Variants in IGF2R observed in about 807,000 individuals in gnomAD.
IGF2R encodes insulin like growth factor 2 receptor.
In IGF2R, 91 loss-of-function variants were observed where a neutral mutation model predicts 270.6. That is an observed-to-expected ratio of 0.34 (90% CI 0.28 to 0.40). IGF2R has a LOEUF of 0.40. Among genes scored for constraint, IGF2R ranks in the 10% least tolerant of loss-of-function variants. IGF2R has a pLI of 1.00. For synonymous variants in IGF2R, 1,316 were observed against 1,258.9 expected, an observed-to-expected ratio of 1.05 and a Z score of -0.96; for missense variants, 2,805 against 3,188.3, an observed-to-expected ratio of 0.88 and a Z score of 2.90.
Position 159,991,211 on chromosome 6 carries a change from A to C in IGF2R, c.177A>C (p.Lys59Asn). Reference protein sequence around the residue: ...CSYTWEAVDTKNNVLYKINIC... With the variant: ...CSYTWEAVDTNNNVLYKINIC... Reference sequence around the variant, plus strand: ...ATACATGGGAAGCTGTTGATACCAAAAATAATGTACTTTATAAAATCAACA... The same window carrying C: ...ATACATGGGAAGCTGTTGATACCAACAATAATGTACTTTATAAAATCAACA... Residue 59 changes from lysine (K) to asparagine (N), a missense_variant, in exon 2 of 48, where the codon AAA becomes AAC. Physicochemically the swap from Lys to Asn is moderately conservative, Grantham distance 94 (BLOSUM62 0). Transcript: ENST00000356956. 6.2e-7 allele frequency: 1 copy of C among 1,612,558 alleles called. No homozygotes were observed. Among genetic ancestry groups the C allele is most frequent in the South Asian group, 1.1e-5 (1 of 90,682 alleles).
Position 160,105,018 on chromosome 6 carries a change from G to A in IGF2R, c.7410G>A (p.Lys2470=). 6.2e-7 allele frequency: 1 copy of A among 1,613,322 alleles called. No individual in the cohort carries two copies. ...GGAAGTCCAGCTCTGCACAGCAGAAGACAGTGAGCTCCACCAAGCTGGTGT... is the reference window on the plus strand; with the variant it reads ...GGAAGTCCAGCTCTGCACAGCAGAAAACAGTGAGCTCCACCAAGCTGGTGT... ...RKGKSSSAQQ[K]TVSSTKLVSF... is the part of the protein sequence containing the mutation. The change falls in exon 48 of 48, where the codon AAG becomes AAA. Residue 2470 remains lysine (K), a synonymous_variant. Transcript: ENST00000356956.
intron 17 of IGF2R, among the ~76,000 whole-genome samples, 182 bp downstream of exon 17, chr6:160,048,089 CA>C (rs1395605697): frequency 1.3e-5 from 2 of 152,326 alleles, no homozygotes; most frequent in East Asian, 3.9e-4. Flanking sequence ...TTTGGGATAG[CA>C]ACCAGTCTTG....
At chr6:160,082,868 C>T (rs1309843419) in intron 39 of IGF2R, among the ~76,000 whole-genome samples, 1 of 152,224 alleles carries the variant, frequency 6.6e-6, no homozygotes, top group Admixed American at 6.5e-5. Flanking sequence ...GGAACGTGCC[C>T]TGGTGCAGGC....
Position 160,075,940 on chromosome 6 carries a change from A to C in IGF2R, c.5260A>C (p.Lys1754Gln). ...FESSTPCLAD[K>Q]HFNYTSLIAF... ...AAGCAGTACTCCTTGCTTAGCGGAC[A>C]AGCATTTCAACTACACCTCGCTCAT... The change falls in exon 36 of 48, where the codon AAG (lysine) becomes CAG (glutamine). Residue 1754 changes from lysine to glutamine, a missense_variant. Physicochemically the swap from Lys to Gln is moderately conservative, Grantham distance 53. Coordinates refer to ENST00000356956, the MANE Select transcript of IGF2R (RefSeq NM_000876.4). 6.2e-7 allele frequency: 1 copy of C among 1,614,236 alleles called. No homozygotes were observed. Among genetic ancestry groups the C allele is most frequent in the South Asian group, 1.1e-5 (1 of 91,090 alleles).
intron 44 of IGF2R, chr6:160,094,708 C>G (rs913746045): frequency 6.6e-6 from 1 of 152,222 alleles, no homozygotes; most frequent in Non-Finnish European, 1.5e-5. Context: ...ACCATCCTGG[C>G]TAACACGGTG....
intron 34 of IGF2R, 74 bp downstream of exon 34, chr6:160,073,543 A>G: frequency 6.5e-7 from 1 of 1,535,322 alleles, no homozygotes; most frequent in Non-Finnish European, 8.9e-7. Flanking sequence ...CGTCAGGTTC[A>G]CTTGCCCACT....
chr6:160,100,069 C>T (rs1022925316), intron 45 of IGF2R, among the ~76,000 whole-genome samples: 1 of 151,856 alleles, frequency 6.6e-6, no homozygotes, highest in Non-Finnish European at 1.5e-5. Flanking sequence ...TACTTAAATC[C>T]CCAAAGAAGA....
intron 1 of IGF2R, among the ~76,000 whole-genome samples, chr6:159,979,466 T>C (rs1290657448): frequency 6.6e-6 from 1 of 152,210 alleles, no homozygotes; most frequent in Non-Finnish European, 1.5e-5. Context: ...CACTTCTCTC[T>C]TCTCTTTTGT....
chr6:160,078,453 C>A, intron 37 of IGF2R, 91 bp downstream of exon 37: 2 of 1,258,118 alleles, frequency 1.6e-6, no homozygotes, highest in Non-Finnish European at 2.3e-6. Flanking sequence ...AATGTGGTAC[C>A]TGTGAGCTGA....
In IGF2R at chr6:160,009,244, C is replaced by G. The variant is rs918057172; in HGVS notation, c.414+110C>G. ...AAGAATCAGTGAGCAAACTTAGAAA[C>G]ACAAATAAGAAAAACCCTACCAAAT... is the stretch of plus-strand genomic sequence containing the variant. On this transcript the variant is annotated intron_variant, in intron 3 of 47. Transcript: ENST00000356956. 13 of 905,452 alleles carry G rather than the reference C, an allele frequency of 1.4e-5. No individual in the cohort carries two copies. The African/African-American group carries it at 1.9e-4, about 13-fold the overall frequency. 56.1% of individuals were successfully genotyped at this position (905,452 alleles called of 1,614,324 possible). A position where few individuals can be genotyped will look rare whatever the true frequency, so the allele number is the denominator to read the frequency against.
chr6:160,028,917 T>A (rs987683648), intron 6 of IGF2R, among the ~76,000 whole-genome samples: 4 of 151,940 alleles, frequency 2.6e-5, no homozygotes, highest in Non-Finnish European at 2.9e-5. Context: ...TTAAAAAAAA[T>A]AATTTTTTTG....
Position 160,064,150 on chromosome 6 carries a change from G to A in IGF2R, c.3887-251G>A, listed in dbSNP as rs527656616. 2.6e-5 allele frequency among the ~76,000 whole-genome samples: 4 copies of A among 152,346 alleles called. No individual in the cohort carries two copies. In the East Asian group the frequency reaches 7.7e-4, roughly 29 times the overall value. On this transcript the variant is annotated intron_variant, in intron 27 of 47. Coordinates refer to ENST00000356956, the MANE Select transcript of IGF2R (RefSeq NM_000876.4). The stretch of plus-strand genomic sequence containing the variant: ...CAGTGGAGAAAGTGACATTCCCTTA[G>A]GTGATGAGGCTAAGGAATGCCTCAT...
chr6:160,043,405 A>C, intron 12 of IGF2R, 117 bp downstream of exon 12: 1 of 1,203,932 alleles, frequency 8.3e-7, no homozygotes, highest in Non-Finnish European at 1.1e-6. Context: ...AATCACATGA[A>C]GGATGGTAAA....
At chr6:160,090,235 T>A in intron 44 of IGF2R, 132 bp downstream of exon 44, 2 of 578,878 alleles carry the variant, frequency 3.5e-6, no homozygotes, top group Non-Finnish European at 5.7e-6. Context: ...AATTCTTTAC[T>A]TTGTTATGAA....
Position 160,093,817 on chromosome 6 carries a change from G to A in IGF2R, c.6656-2622G>A, listed in dbSNP as rs1370349820. ...AGATCTCTCGTGATGAGCTGTTAAGGGTGCTGTGCATGATGGTCCAAATAA... is the reference window on the plus strand; with the variant it reads ...AGATCTCTCGTGATGAGCTGTTAAGAGTGCTGTGCATGATGGTCCAAATAA... On this transcript the variant is annotated intron_variant, in intron 44 of 47. Transcript: ENST00000356956. 3 of 734,174 alleles carry A rather than the reference G, an allele frequency of 4.1e-6. No individual in the cohort carries two copies. In the African/African-American group the frequency reaches 5.2e-5, roughly 13 times the overall value. The allele number at this position is 734,174 out of a possible 1,614,324, so 45.5% of individuals were successfully genotyped here.
chr6:160,052,027 TAGTG>T lies in IGF2R; in HGVS notation c.2694+1378_2694+1381del, dbSNP rs1583280906. 7.3e-5 allele frequency among the ~76,000 whole-genome samples: 11 copies of T among 151,192 alleles called. No individual in the cohort carries two copies. In the South Asian group the frequency reaches 2.3e-3, roughly 32 times the overall value. ...GAGTCTCAGACTAGCCTGGGCAACT[TAGTG>T]AGACCCCATCTCTACAAAAAATTAG... is the stretch of plus-strand genomic sequence containing the variant. On this transcript the variant is annotated intron_variant, in intron 19 of 47. Transcript: ENST00000356956.
chr6:160,046,681 A>G (rs1275235914), intron 15 of IGF2R, 36 bp downstream of exon 15: 1 of 1,590,682 alleles, frequency 6.3e-7, no homozygotes, highest in Non-Finnish European at 8.6e-7. Flanking sequence ...ATTCTTAGGC[A>G]TTATATGCTA....
intron 2 of IGF2R, among the ~76,000 whole-genome samples, chr6:159,992,676 C>T (rs893460433): frequency 2.0e-5 from 3 of 151,976 alleles, no homozygotes; most frequent in Non-Finnish European, 2.9e-5. Context: ...TTGATGGACA[C>T]TTAGGTTTAT....
intron 1 of IGF2R, among the ~76,000 whole-genome samples, chr6:159,980,180 CAAAAAAGAAAGA>C (rs1783760454): frequency 1.1e-5 from 1 of 87,326 alleles, no homozygotes; most frequent in Non-Finnish European, 2.4e-5. Context: ...GACTCCGTCT[CAAAAAAGAAAGA>C]AAGAAAGAAA....
Sources: gnomAD v4.1 joint callset for allele counts (sites outside exome capture counted in the v4.1 genomes callset) on GRCh38, gnomAD v4.1.1 for gene constraint, MANE v1.5 for transcripts, NCBI Gene and HGNC (gene_info 2026-07-23, HGNC 2026-07-21) for gene names.